E2F4: variants seen among roughly 807,000 people sequenced by gnomAD.
The protein encoded by E2F4 is transcription factor E2F4.
Under a neutral mutation model 44.5 loss-of-function variants are expected in E2F4, and 16 were observed. The ratio of observed to expected loss-of-function variants is 0.36; its 90% CI spans 0.24 to 0.55. E2F4 has a LOEUF of 0.55. Among genes scored for constraint, E2F4 ranks in the 20% least tolerant of loss-of-function variants. E2F4 has a pLI of 0.87. For synonymous variants in E2F4, 242 were observed against 207.2 expected, an observed-to-expected ratio of 1.17 and a Z score of -1.44; for missense variants, 473 against 522.1, an observed-to-expected ratio of 0.91 and a Z score of 0.92.
chr16:67,192,326 G>T lies in E2F4; in HGVS notation c.99G>T (p.Leu33=), dbSNP rs2032899482. The T allele has an allele frequency of 2.1e-6, 3 of 1,436,764 alleles. No homozygotes were observed. Among genetic ancestry groups the T allele is most frequent in the African/African-American group, 1.5e-5 (1 of 68,884 alleles). 89.0% of individuals were successfully genotyped at this position (1,436,764 alleles called of 1,614,324 possible). The part of the protein sequence containing the change: ...GLLTTKFVSL[L]QEAKDGVLDL... Reference sequence around the variant, plus strand: ...TCACCACCAAGTTCGTGTCCCTTCTGCAGGAGGCCAAGGACGGCGTGCTTG... The same window carrying T: ...TCACCACCAAGTTCGTGTCCCTTCTTCAGGAGGCCAAGGACGGCGTGCTTG... Residue 33 remains leucine (L), a synonymous_variant, in exon 1 of 10, where the codon CTG becomes CTT. Transcript: ENST00000379378.
At position 67,198,386 on chromosome 16, in the gene E2F4, C is replaced by G. The variant is rs2033011213; in HGVS notation, c.*263C>G. ...TCCCTTTCTGCGGCCTTCGCCAGCC[C>G]AGGCTCGGCTGCCACCCAGTGGCAC... On this transcript the variant is annotated 3_prime_UTR_variant, in exon 10 of 10. Transcript: ENST00000379378. The G allele has an allele frequency of 2.1e-6, 1 of 469,402 alleles. No homozygotes were observed. Among genetic ancestry groups the G allele is most frequent in the Non-Finnish European group, 3.9e-6 (1 of 256,054 alleles). 29.1% of individuals were successfully genotyped at this position (469,402 alleles called of 1,614,324 possible).
intron 6 of E2F4, among the ~76,000 whole-genome samples, chr16:67,195,358 C>G (rs3730402): frequency 6.6e-6 from 1 of 152,296 alleles, no homozygotes; most frequent in East Asian, 1.9e-4. Flanking sequence ...TTTCGAACTC[C>G]TGACCTCAAA....
At chr16:67,192,982 C>T in intron 2 of E2F4, 27 bp from the exon 3 acceptor site, 1 of 1,561,808 alleles carries the variant, frequency 6.4e-7, no homozygotes. Context: ...CTCAGCAGTC[C>T]CTCTCAGCCC....
intron 1 of E2F4, 109 bp from the exon 2 acceptor site, chr16:67,192,652 G>T: frequency 9.2e-7 from 1 of 1,084,404 alleles, no homozygotes; most frequent in Non-Finnish European, 1.4e-6. Context: ...TAGCGCCTGG[G>T]AGGCACTACA....
chr16:67,194,335 G>A, intron 4 of E2F4, 63 bp from the exon 5 acceptor site: 1 of 1,574,492 alleles, frequency 6.4e-7, no homozygotes, highest in Non-Finnish European at 8.7e-7. Flanking sequence ...CAAAAGGCAG[G>A]CACCTCTGTT....
At position 67,198,154 on chromosome 16, in the gene E2F4, C is replaced by T; in HGVS notation, c.*31C>T. 6.3e-7 allele frequency: 1 copy of T among 1,598,944 alleles called. No individual in the cohort carries two copies. The highest frequency in any genetic ancestry group is 8.6e-7 in the Non-Finnish European group (1 of 1,167,982). On this transcript the variant is annotated 3_prime_UTR_variant, in exon 10 of 10. Transcript: ENST00000379378. Reference sequence around the variant, plus strand: ...AGGGACATGCCCTGTGTGGCTGGGACCCAGACTGTCTGACCTGGGGGTTGC... The same window carrying T: ...AGGGACATGCCCTGTGTGGCTGGGATCCAGACTGTCTGACCTGGGGGTTGC...
rs546691263 is a variant in E2F4, at chr16:67,193,461, A to T, written c.408-11A>T. The stretch of plus-strand genomic sequence containing the variant: ...CCATAGGGCATCAGCCATTCTCCTT[A>T]ACCCTCACACTTTGGCCTACGTCAC... On this transcript the variant is annotated splice_polypyrimidine_tract_variant and intron_variant, in intron 3 of 9. Transcript: ENST00000379378. The T allele has an allele frequency of 2.5e-6, 4 of 1,614,144 alleles. No individual in the cohort carries two copies. Among genetic ancestry groups the T allele is most frequent in the Non-Finnish European group, 3.4e-6 (4 of 1,179,998 alleles).
Position 67,192,193 on chromosome 16 carries a change from C to CTGGCCTGGCT in E2F4, c.-34_-25dup. On this transcript the variant is annotated 5_prime_UTR_variant, in exon 1 of 10. Transcript: ENST00000379378. ...GAAGTGGCGGCGGCGCCGGCCTGGC[C>CTGGCCTGGCT]TGGCCTGGCTGAGGGGAGGCGGCGG... is the stretch of plus-strand genomic sequence containing the variant. The CTGGCCTGGCT allele has an allele frequency of 8.6e-7, 1 of 1,157,806 alleles. No homozygotes were observed. 71.7% of individuals were successfully genotyped at this position (1,157,806 alleles called of 1,614,324 possible).
At chr16:67,193,269 A>G in intron 3 of E2F4, 99 bp downstream of exon 3, 1 of 1,523,072 alleles carries the variant, frequency 6.6e-7, no homozygotes, top group South Asian at 1.2e-5. Flanking sequence ...TCTTATAGCC[A>G]CTGGCCATGG....
At chr16:67,194,231 G>A (rs1035883753) in intron 4 of E2F4, 167 bp from the exon 5 acceptor site, 7 of 671,896 alleles carry the variant, frequency 1.0e-5, no homozygotes, top group Non-Finnish European at 1.7e-5. Context: ...TGGGCTCTCA[G>A]GAAGAGAAGA....
At chr16:67,192,465 C>A in intron 1 of E2F4, 103 bp downstream of exon 1, 1 of 1,354,664 alleles carries the variant, frequency 7.4e-7, no homozygotes, top group Non-Finnish European at 9.6e-7. Context: ...GAGAGCCGGC[C>A]GCCATCGTGT....
chr16:67,194,735 G>T lies in E2F4; in HGVS notation c.563G>T (p.Gly188Val). 1.2e-6 allele frequency: 2 copies of T among 1,614,172 alleles called. No individual in the cohort carries two copies. The highest frequency in any genetic ancestry group is 1.7e-6 in the Non-Finnish European group (2 of 1,180,032). Residue 188 changes from glycine to valine, a missense_variant, in exon 6 of 10, where the codon GGT becomes GTT. Gly to Val is a moderately radical substitution (Grantham distance 109). Around this residue, in one of 3 missense-constraint regions of E2F4, gnomAD observed 314 missense variants for 315.6 expected, o/e 0.99. Coordinates refer to ENST00000379378, the MANE Select transcript of E2F4 (RefSeq NM_001950.4). ...KYQIHLKSVS[G>V]PIEVLLVNKE... is the part of the protein sequence containing the mutation. ...CAGATTCACCTGAAGAGTGTGAGTG[G>T]TCCCATTGAGGTTCTGCTGGTGAAC...
rs1169272258 is a variant in E2F4 at position 67,196,385 on chromosome 16, AC to A, written c.1033+380del. 5.9e-5 allele frequency among the ~76,000 whole-genome samples: 9 copies of A among 152,258 alleles called. No individual in the cohort carries two copies. In the East Asian group the frequency reaches 1.2e-3, roughly 20 times the overall value. ...CAGTCACCCCCCCAGCCCCAGTGTT[AC>A]AGCGGTGTTACTCTTGAGAAGCTGC... is the stretch of plus-strand genomic sequence containing the variant. On this transcript the variant is annotated intron_variant, in intron 7 of 9. Coordinates refer to ENST00000379378, the MANE Select transcript of E2F4 (RefSeq NM_001950.4).
rs2032963519 is a variant in E2F4, at chr16:67,195,981, G to A, written c.1008G>A (p.Glu336=). 1 of 1,614,132 alleles carries A rather than the reference G, an allele frequency of 6.2e-7. No homozygotes were observed. The highest frequency in any genetic ancestry group is 1.1e-5 in the South Asian group (1 of 91,084). The change falls in exon 7 of 10, where the codon GAG becomes GAA. Residue 336 remains glutamate (E), a synonymous_variant. Coordinates refer to ENST00000379378, the MANE Select transcript of E2F4 (RefSeq NM_001950.4). ...GACCCAACCCTTCTACCTCCTTTGA[G>A]CCCATCAAGGCAGACCCCACAGGTG... ...SSGPNPSTSF[E]PIKADPTGVL... is the part of the protein sequence containing the mutation.
intron 1 of E2F4, 23 bp from the exon 2 acceptor site, chr16:67,192,738 G>A: frequency 6.3e-7 from 1 of 1,594,328 alleles, no homozygotes; most frequent in Non-Finnish European, 8.6e-7. Flanking sequence ...GTGGGGCTGA[G>A]CATTCTCCAT....
Position 67,197,765 on chromosome 16 carries a change from G to C in E2F4, c.1082-102G>C, listed in dbSNP as rs2032995266. 10 of 1,602,986 alleles carry C rather than the reference G, an allele frequency of 6.2e-6. No homozygotes were observed. The Admixed American group carries it at 1.0e-4, about 16-fold the overall frequency. ...TGGCGCTTATGGTAACTGGGGCAAAGGGTGAAGTTCCTGATGGGCAGGTGG... is the reference window on the plus strand; with the variant it reads ...TGGCGCTTATGGTAACTGGGGCAAACGGTGAAGTTCCTGATGGGCAGGTGG... On this transcript the variant is annotated intron_variant, in intron 8 of 9. Coordinates refer to ENST00000379378, the MANE Select transcript of E2F4 (RefSeq NM_001950.4).
In E2F4 at chr16:67,192,839, G is replaced by C. The variant is rs747900680; in HGVS notation, c.214G>C (p.Glu72Gln). The change falls in exon 2 of 10, where the codon GAG becomes CAG. Residue 72 changes from glutamate to glutamine, a missense_variant. By Grantham distance (29) the Glu-to-Gln change is conservative. Transcript: ENST00000379378. ...TNVLEGIGLI[E>Q]KKSKNSIQWK... The stretch of plus-strand genomic sequence containing the variant: ...TGTTTTGGAAGGTATCGGGCTAATC[G>C]AGAAAAAGTCCAAGAACAGCATCCA... 6.2e-7 allele frequency: 1 copy of C among 1,612,554 alleles called. No individual in the cohort carries two copies. Among genetic ancestry groups the C allele is most frequent in the South Asian group, 1.1e-5 (1 of 90,734 alleles).
At chr16:67,197,694 C>T (rs1178038983) in intron 8 of E2F4, 48 bp downstream of exon 8, 34 of 1,605,820 alleles carry the variant, frequency 2.1e-5, no homozygotes, top group Non-Finnish European at 2.7e-5. Context: ...GGACACAGCT[C>T]ATTGGGTCCT....
chr16:67,194,043 C>T (rs2032928926), intron 4 of E2F4: 2 of 280,090 alleles, frequency 7.1e-6, no homozygotes, highest in Non-Finnish European at 1.4e-5. Flanking sequence ...AGCCACTGTG[C>T]CCCGCTGATG....
Sources: gnomAD v4.1 joint callset for allele counts (sites outside exome capture counted in the v4.1 genomes callset) on GRCh38, gnomAD v4.1.1 for gene constraint, gnomAD v4.1.1 regional missense constraint, MANE v1.5 for transcripts, NCBI Gene and HGNC (gene_info 2026-07-23, HGNC 2026-07-21) for gene names.